ARHGEF6: variants seen among roughly 807,000 people sequenced by gnomAD.
The protein encoded by ARHGEF6 is rho guanine nucleotide exchange factor 6.
A neutral mutation model predicts 70.3 loss-of-function variants in ARHGEF6; 9 were observed. The ratio of observed to expected loss-of-function variants is 0.13; its 90% confidence interval spans 0.08 to 0.22. The LOEUF (loss-of-function observed/expected upper bound fraction) is 0.22, where lower values mean the gene tolerates loss of function less well. Ranked by LOEUF, ARHGEF6 falls within the 10% of genes least tolerant of loss-of-function variation. The pLI, the probability that ARHGEF6 is intolerant of heterozygous loss-of-function variation, is 1.00. For synonymous variants in ARHGEF6, 201 were observed against 207.8 expected (o/e 0.97, Z 0.28); for missense variants, 470 against 563.0 (o/e 0.83, Z 1.67).
intron 7 of ARHGEF6, 110 bp downstream of exon 7, chrX:136,713,166 G>A: frequency 1.5e-6 from 1 of 667,849 alleles, no homozygotes; most frequent in Non-Finnish European, 2.4e-6. Context: ...GTGATCTGTG[G>A]AAATTCTTCT....
intron 2 of ARHGEF6, among the ~76,000 whole-genome samples, chrX:136,753,953 T>C (rs978124400): frequency 1.8e-5 from 2 of 112,107 alleles, no homozygotes; most frequent in Non-Finnish European, 3.8e-5. Context: ...TTCTATAAAG[T>C]CACTTTACAT....
chrX:136,747,166 T>G (rs1603351723), intron 3 of ARHGEF6, among the ~76,000 whole-genome samples: 1 of 111,365 alleles, frequency 9.0e-6, no homozygotes. Context: ...GAAAGGGAAG[T>G]GACGGCTGTA....
At chrX:136,758,363 AT>A (rs1340503891) in intron 2 of ARHGEF6, among the ~76,000 whole-genome samples, 20 of 107,562 alleles carry the variant, frequency 1.9e-4, no homozygotes, top group Middle Eastern at 4.7e-3. Context: ...AAAATAAATT[AT>A]TTTTTTTTTA....
chrX:136,759,584 C>T (rs2077245041), intron 2 of ARHGEF6, among the ~76,000 whole-genome samples: 1 of 106,682 alleles, frequency 9.4e-6, no homozygotes, highest in Non-Finnish European at 1.9e-5. Context: ...GAGCCAAAAT[C>T]GCACCACTGC....
Position 136,732,200 on chromosome X carries a change from A to C in ARHGEF6, c.662-28T>G, listed in dbSNP as rs2076942647. On this transcript the variant is annotated intron_variant, in intron 5 of 21. Coordinates refer to ENST00000250617, the MANE Select transcript of ARHGEF6 (RefSeq NM_004840.3). ...GTGAAAAAAACATTTAAATTATGTT[A>C]ATATCACAGAAGGCTATGATGAACA... 7 of 1,081,941 alleles carry C rather than the reference A, an allele frequency of 6.5e-6. No homozygotes were observed. In the East Asian group the frequency reaches 2.1e-4, roughly 33 times the overall value. The allele number at this position is 1,081,941 out of a possible 1,213,427, so 89.2% of individuals were successfully genotyped here. A position where few individuals can be genotyped will look rare whatever the true frequency, so the allele number is the denominator to read the frequency against.
At chrX:136,678,241 A>G (rs57310151) in intron 16 of ARHGEF6, among the ~76,000 whole-genome samples, 9,087 of 111,707 alleles carry the variant, frequency 0.081, 901 homozygotes, top group African/African-American at 0.28. Context: ...CAGCAGAAAC[A>G]AAGTGATCAT....
rs183392914 is a variant in ARHGEF6, at chrX:136,700,252, G to A, written c.1046+6656C>T. 2.2e-3 allele frequency among the ~76,000 whole-genome samples: 245 copies of A among 111,468 alleles called. 1 individual carries two copies. The highest frequency in any genetic ancestry group is 0.022 in the Admixed American group (226 of 10,500). ...AGAAACCCAAAGATAGGCAGGGCGC[G>A]GTGGCTCAGGCCTGCAATCTCAGCA... On this transcript the variant is annotated intron_variant, in intron 9 of 21. Coordinates refer to ENST00000250617, the MANE Select transcript of ARHGEF6 (RefSeq NM_004840.3).
intron 18 of ARHGEF6, among the ~76,000 whole-genome samples, chrX:136,676,380 AAATACTCAACACAAAAATGATAC>A (rs2076281911): frequency 8.9e-6 from 1 of 112,343 alleles, no homozygotes; most frequent in African/African-American, 3.2e-5. Flanking sequence ...AGGTGAGGCA[AAATACTCAACACAAAAATGATAC>A]AGATGACATC....
chrX:136,749,491 G>A (rs1479863982), intron 2 of ARHGEF6, among the ~76,000 whole-genome samples: 14 of 111,555 alleles, frequency 1.3e-4, no homozygotes, highest in Admixed American at 1.9e-4. Flanking sequence ...TAAGGCATGA[G>A]AGCAAAAGTT....
intron 8 of ARHGEF6, 103 bp downstream of exon 8, chrX:136,708,572 T>C: frequency 1.5e-6 from 1 of 673,382 alleles, no homozygotes; most frequent in Non-Finnish European, 2.3e-6. Context: ...CTGTAACAAA[T>C]ACTTAACTAT....
intron 2 of ARHGEF6, chrX:136,767,051 G>A (rs2077321921): frequency 2.8e-6 from 2 of 721,085 alleles, no homozygotes; most frequent in African/African-American, 2.3e-5. Context: ...GGGGAAGAAG[G>A]GCGGTTCCTC....
chrX:136,708,310 C>T (rs1160789253), intron 8 of ARHGEF6, among the ~76,000 whole-genome samples: 1 of 108,158 alleles, frequency 9.2e-6, no homozygotes, highest in Admixed American at 1.0e-4. Context: ...CAGCAAACCA[C>T]CATGGCGCAT....
rs2076164964 is a variant in ARHGEF6, at chrX:136,666,695, G to A, written c.*1334C>T. ...AGGGGTGAGTGGCACTGAGCCTTAG[G>A]CCAACTTTCAATGGCGCTGAATTTG... On this transcript the variant is annotated 3_prime_UTR_variant, in exon 22 of 22. Coordinates refer to ENST00000250617, the MANE Select transcript of ARHGEF6 (RefSeq NM_004840.3). 2 of 111,795 alleles carry A rather than the reference G, an allele frequency of 1.8e-5. No individual in the cohort carries two copies. Among genetic ancestry groups the A allele is most frequent in the Non-Finnish European group, 3.8e-5 (2 of 53,121 alleles). 9.2% of individuals were successfully genotyped at this position (111,795 alleles called of 1,213,427 possible).
intron 2 of ARHGEF6, chrX:136,767,828 G>C: frequency 5.5e-6 from 4 of 728,605 alleles, no homozygotes; most frequent in Non-Finnish European, 6.4e-6. Context: ...AAGTGACAGC[G>C]GCGCAGGCAG....
At chrX:136,688,832 C>A (rs756378653) in intron 10 of ARHGEF6, among the ~76,000 whole-genome samples, 3 of 112,279 alleles carry the variant, frequency 2.7e-5, no homozygotes, top group Non-Finnish European at 3.8e-5. Flanking sequence ...ACATGGCCTG[C>A]AATCCTGTGG....
chrX:136,673,465 T>A (rs939649611), intron 19 of ARHGEF6, among the ~76,000 whole-genome samples: 2 of 111,990 alleles, frequency 1.8e-5, no homozygotes, highest in Admixed American at 1.9e-4. Flanking sequence ...ATCTTCCACA[T>A]GTAAAAGGTT....
chrX:136,675,195 C>T (rs2076267422), intron 18 of ARHGEF6, 99 bp from the exon 19 acceptor site: 1 of 732,886 alleles, frequency 1.4e-6, no homozygotes, highest in African/African-American at 2.1e-5. Flanking sequence ...CTTCTCTGAC[C>T]AGTAGAGTTT....
chrX:136,712,566 T>C (rs765276151), intron 7 of ARHGEF6, among the ~76,000 whole-genome samples: 2 of 112,274 alleles, frequency 1.8e-5, no homozygotes, highest in Non-Finnish European at 3.8e-5. Flanking sequence ...TCATGATCTC[T>C]AGTGAAATTT....
chrX:136,676,903 G>A, intron 17 of ARHGEF6, 186 bp from the exon 18 acceptor site: 1 of 432,256 alleles, frequency 2.3e-6, no homozygotes, highest in East Asian at 4.2e-5. Flanking sequence ...ATAAAACAGA[G>A]GCAATGACAT....
Sources: allele counts gnomAD v4.1 joint callset (sites outside exome capture counted in the v4.1 genomes callset), GRCh38; gene constraint gnomAD v4.1.1; transcripts MANE v1.5; gene names NCBI Gene and HGNC (gene_info 2026-07-23, HGNC 2026-07-21).